ANO4: variants seen among roughly 807,000 people sequenced by gnomAD.
The protein encoded by ANO4 is anoctamin 4.
A neutral mutation model predicts 141.9 loss-of-function variants in ANO4; 69 were observed. That is an observed-to-expected ratio of 0.49 (90% confidence interval 0.40 to 0.59). The LOEUF (loss-of-function observed/expected upper bound fraction) is 0.59, where lower values mean the gene tolerates loss of function less well. Ranked by LOEUF, ANO4 falls within the 20% of genes least tolerant of loss-of-function variation. The pLI is 0.00. For synonymous variants in ANO4, 350 were observed against 394.3 expected (o/e 0.89, Z 1.33); for missense variants, 894 against 1,162.2 (o/e 0.77, Z 3.36).
intron 3 of ANO4, among the ~76,000 whole-genome samples, chr12:100,747,248 A>C (rs902409594): frequency 6.6e-6 from 1 of 152,126 alleles, no homozygotes; most frequent in Non-Finnish European, 1.5e-5. Flanking sequence ...ATGGGTTTTA[A>C]TGCATTTGAT....
At chr12:101,042,521 G>C (rs1593104399) in intron 12 of ANO4, 53 bp downstream of exon 12, 1 of 1,604,816 alleles carries the variant, frequency 6.2e-7, no homozygotes, top group East Asian at 2.2e-5. Flanking sequence ...AGAGGTGGCT[G>C]TTTGCACTTT....
intron 3 of ANO4, among the ~76,000 whole-genome samples, chr12:100,932,679 A>G (rs373800477): frequency 2.0e-5 from 3 of 152,250 alleles, no homozygotes; most frequent in South Asian, 2.1e-4. Flanking sequence ...TCACCTTTTC[A>G]TCATGTAAAG....
chr12:101,050,793 G>C (rs1233162732), intron 14 of ANO4, among the ~76,000 whole-genome samples: 3 of 152,158 alleles, frequency 2.0e-5, no homozygotes, highest in Non-Finnish European at 4.4e-5. Context: ...GCCATGGATA[G>C]GGCTGTCCCA....
At chr12:101,105,907 G>A (rs1007923150) in intron 22 of ANO4, among the ~76,000 whole-genome samples, 1 of 152,172 alleles carries the variant, frequency 6.6e-6, no homozygotes, top group Non-Finnish European at 1.5e-5. Flanking sequence ...GATCACCTGA[G>A]GTCAGGAGTT....
chr12:100,924,429 A>G (rs1268133280), intron 3 of ANO4, among the ~76,000 whole-genome samples: 1 of 152,134 alleles, frequency 6.6e-6, no homozygotes, highest in Non-Finnish European at 1.5e-5. Context: ...TTGTTCCTTC[A>G]TTTAATTCCT....
At chr12:101,034,108 TA>T (rs2047097536) in intron 9 of ANO4, among the ~76,000 whole-genome samples, 1 of 152,092 alleles carries the variant, frequency 6.6e-6, no homozygotes, top group Non-Finnish European at 1.5e-5. Flanking sequence ...GAACCAGAAA[TA>T]CCATTTGACC....
At chr12:100,967,919 G>C (rs1467011544) in intron 5 of ANO4, among the ~76,000 whole-genome samples, 1 of 152,126 alleles carries the variant, frequency 6.6e-6, no homozygotes, top group Non-Finnish European at 1.5e-5. Flanking sequence ...TAAAAGGTGA[G>C]GGTATGGAAT....
At chr12:101,087,732 C>T (rs1254767866) in intron 17 of ANO4, among the ~76,000 whole-genome samples, 1 of 152,138 alleles carries the variant, frequency 6.6e-6, no homozygotes, top group Admixed American at 6.6e-5. Flanking sequence ...AACTCCTCAT[C>T]TTCCCTCCAG....
intron 1 of ANO4, among the ~76,000 whole-genome samples, chr12:100,874,070 C>T (rs1009682618): frequency 3.9e-5 from 6 of 152,246 alleles, no homozygotes; most frequent in African/African-American, 1.4e-4. Context: ...GTTAAGCCTT[C>T]TTGTGCACAG....
intron 3 of ANO4, among the ~76,000 whole-genome samples, chr12:100,745,088 G>T (rs186995990): frequency 3.1e-4 from 47 of 152,094 alleles, no homozygotes; most frequent in Middle Eastern, 3.4e-3. Context: ...CTTCATACAG[G>T]GTACAGGTAC....
chr12:100,979,962 G>A (rs1227763101), intron 7 of ANO4, among the ~76,000 whole-genome samples: 3 of 148,818 alleles, frequency 2.0e-5, no homozygotes, highest in Non-Finnish European at 3.0e-5. Flanking sequence ...GGATGGTCTC[G>A]ATCTCTTGAC....
At chr12:100,750,217 T>G (rs2032311185) in intron 3 of ANO4, among the ~76,000 whole-genome samples, 1 of 151,968 alleles carries the variant, frequency 6.6e-6, no homozygotes, top group African/African-American at 2.4e-5. Flanking sequence ...TCACTGCAAC[T>G]TCTGCCTCCT....
At chr12:100,736,639 G>T (rs530286496) in intron 2 of ANO4, among the ~76,000 whole-genome samples, 1 of 152,292 alleles carries the variant, frequency 6.6e-6, no homozygotes, top group African/African-American at 2.4e-5. Flanking sequence ...ACCTGTGATT[G>T]TGACTGTATT....
intron 3 of ANO4, among the ~76,000 whole-genome samples, chr12:100,931,612 C>T (rs568250893): frequency 4.6e-5 from 7 of 152,108 alleles, no homozygotes; most frequent in Non-Finnish European, 8.8e-5. Flanking sequence ...GAAAATAGAC[C>T]TGAAAATCAT....
chr12:100,938,897 A>G (rs541373489), intron 3 of ANO4, among the ~76,000 whole-genome samples: 12 of 152,320 alleles, frequency 7.9e-5, no homozygotes, highest in African/African-American at 2.4e-4. Context: ...TTATGGGTTC[A>G]CTTGGCAAGC....
chr12:101,127,456 G>T (rs2051368870), intron 27 of ANO4, among the ~76,000 whole-genome samples: 1 of 152,158 alleles, frequency 6.6e-6, no homozygotes, highest in African/African-American at 2.4e-5. Context: ...CATTAGCAAA[G>T]AGAATTCTTC....
intron 14 of ANO4, among the ~76,000 whole-genome samples, chr12:101,056,431 G>A (rs2048119728): frequency 6.6e-6 from 1 of 151,912 alleles, no homozygotes. Flanking sequence ...ATTAACTTTT[G>A]TATATTGACC....
chr12:100,963,536 G>A (rs2043517947), intron 5 of ANO4, among the ~76,000 whole-genome samples: 2 of 152,010 alleles, frequency 1.3e-5, no homozygotes, highest in Non-Finnish European at 2.9e-5. Flanking sequence ...GTTGCAGAGA[G>A]GAAATTGCAT....
At chr12:100,889,653 G>GT (rs1238189849) in intron 1 of ANO4, among the ~76,000 whole-genome samples, 2 of 152,170 alleles carry the variant, frequency 1.3e-5, no homozygotes, top group Non-Finnish European at 2.9e-5. Context: ...CATCATCACT[G>GT]GCCATCAGAG....
Sources: allele counts gnomAD v4.1 joint callset (sites outside exome capture counted in the v4.1 genomes callset), GRCh38; gene constraint gnomAD v4.1.1; transcripts MANE v1.5; gene names NCBI Gene and HGNC (gene_info 2026-07-23, HGNC 2026-07-21).